SPTB: variants seen among roughly 807,000 people sequenced by gnomAD.
SPTB encodes the protein spectrin beta chain, erythrocytic.
In SPTB, 45 loss-of-function variants were observed where a neutral mutation model predicts 256.2. The observed-to-expected ratio is 0.18, with a 90% CI of 0.14 to 0.23. SPTB has a LOEUF of 0.23. Ranked by LOEUF, SPTB falls within the 10% of genes least tolerant of loss-of-function variation. SPTB has a pLI of 1.00. For missense variants in SPTB, 2,715 were observed against 3,040.4 expected (o/e 0.89, Z 2.52); for synonymous variants, 1,231 against 1,243.1 (o/e 0.99, Z 0.21).
chr14:64,787,110 G>A lies in SPTB; in HGVS notation c.2855C>T (p.Ser952Leu). 6.2e-7 allele frequency: 1 copy of A among 1,607,452 alleles called. No individual in the cohort carries two copies. The highest frequency in any genetic ancestry group is 8.5e-7 in the Non-Finnish European group (1 of 1,179,932). Residue 952 changes from serine (S) to leucine (L), a missense_variant, in exon 16 of 36, where the codon TCA (serine) becomes TTA (leucine). Physicochemically the swap from Ser to Leu is moderately radical, Grantham distance 145. This residue lies in a region of SPTB where 2,239 missense variants were observed against 2,384.4 expected (regional missense o/e 0.94). Transcript: ENST00000644917. ...LVSERREAVD[S>L]ALRVHNYCVD... ...GCAGTAGTTGTGCACTCGGAGGGCTGAGTCCACAGCCTCCCGCCGCTCCGA... is the reference window on the plus strand; with the variant it reads ...GCAGTAGTTGTGCACTCGGAGGGCTAAGTCCACAGCCTCCCGCCGCTCCGA...
At chr14:64,766,123 TGTG>T (rs1444965844) in intron 32 of SPTB, among the ~76,000 whole-genome samples, 1 of 140,814 alleles carries the variant, frequency 7.1e-6, no homozygotes, top group East Asian at 2.1e-4. Flanking sequence ...TGTATGGGGA[TGTG>T]GTGTGGGTGC....
At chr14:64,756,872 T>C (rs900140527) in intron 32 of SPTB, 3 of 151,954 alleles carry the variant, frequency 2.0e-5, no homozygotes, top group African/African-American at 7.3e-5. Flanking sequence ...GACCCTAGAG[T>C]GTCTGCAATG....
intron 3 of SPTB, among the ~76,000 whole-genome samples, chr14:64,804,513 C>G (rs566790402): frequency 1.7e-4 from 26 of 152,154 alleles, no homozygotes; most frequent in Non-Finnish European, 2.9e-4. Context: ...AACAGTATTG[C>G]CGGTGGGTTA....
chr14:64,813,020 A>G (rs2083120619), intron 2 of SPTB, among the ~76,000 whole-genome samples: 2 of 152,236 alleles, frequency 1.3e-5, no homozygotes, highest in Non-Finnish European at 2.9e-5. Context: ...TTTCAATGAC[A>G]GGAAAGGATA....
At chr14:64,843,062 C>G (rs2083632598) in intron 1 of SPTB, among the ~76,000 whole-genome samples, 1 of 151,246 alleles carries the variant, frequency 6.6e-6, no homozygotes, top group Non-Finnish European at 1.5e-5. Flanking sequence ...GAGACCCTGT[C>G]TCAAAAAAAA....
In SPTB at chr14:64,769,599, G is replaced by C. The variant is rs375654121; in HGVS notation, c.5928C>G (p.Ala1976=). 6.8e-5 allele frequency: 109 copies of C among 1,613,846 alleles called. No individual in the cohort carries two copies. The highest frequency in any genetic ancestry group is 8.8e-5 in the Non-Finnish European group (104 of 1,180,042). Residue 1976 remains alanine, a synonymous_variant, in exon 28 of 36, where the codon GCC becomes GCG. Coordinates refer to ENST00000644917, the MANE Select transcript of SPTB (RefSeq NM_001355436.2). ...GESLLQRQHQ[A]SEEIREKLQQ... The stretch of plus-strand genomic sequence containing the variant: ...CTTGCAGTCCCCTCACCTCCTCTGA[G>C]GCCTGGTGCTGCCGCTGCAGCAGGG...
chr14:64,801,216 G>T, intron 7 of SPTB, 69 bp downstream of exon 7: 1 of 1,378,674 alleles, frequency 7.3e-7, no homozygotes, highest in Non-Finnish European at 1.0e-6. Context: ...TGGCGGCTGA[G>T]CTCCTCTAGC....
In SPTB at chr14:64,799,875, C is replaced by A. The variant is rs754889649; in HGVS notation, c.936G>T (p.Ser312=). ...TCTGCTCGATCCAGGTGAGCAGGTCCGAGGCTAGCCCGCTGTACTTTTCAA... is the reference window on the plus strand; with the variant it reads ...TCTGCTCGATCCAGGTGAGCAGGTCAGAGGCTAGCCCGCTGTACTTTTCAA... ...KMIEKYSGLA[S]DLLTWIEQTI... The change falls in exon 9 of 36, where the codon TCG becomes TCT. Residue 312 remains serine (S), a synonymous_variant. Transcript: ENST00000644917. The A allele has an allele frequency of 6.2e-7, 1 of 1,614,200 alleles. No homozygotes were observed. Among genetic ancestry groups the A allele is most frequent in the South Asian group, 1.1e-5 (1 of 91,082 alleles).
intron 19 of SPTB, among the ~76,000 whole-genome samples, chr14:64,783,290 G>A (rs6573570): frequency 0.29 from 43,326 of 151,584 alleles, 6,816 homozygotes; most frequent in African/African-American, 0.42. Flanking sequence ...TGCAACCTCC[G>A]CCCCCCAGTT....
chr14:64,794,550 T>C lies in SPTB; in HGVS notation c.1712A>G (p.Lys571Arg). The change falls in exon 13 of 36, where the codon AAG (lysine) becomes AGG (arginine). Residue 571 changes from lysine (K) to arginine (R), a missense_variant. Lys to Arg is a conservative substitution (Grantham distance 26, BLOSUM62 2). Coordinates refer to ENST00000644917, the MANE Select transcript of SPTB (RefSeq NM_001355436.2). ...GATGGCGATGTCAGCTTCCATCAAC[T>C]TGTGCTTCTGTAGCAGGTCTTCAAC... is the stretch of plus-strand genomic sequence containing the variant. ...LEVEDLLQKH[K>R]LMEADIAIQG... 1.2e-6 allele frequency: 2 copies of C among 1,614,168 alleles called. No homozygotes were observed. The highest frequency in any genetic ancestry group is 2.2e-5 in the East Asian group (1 of 44,878).
In SPTB at chr14:64,759,884, A is replaced by G. The variant is rs543569391; in HGVS notation, c.6346-6091T>C. Reference sequence around the variant, plus strand: ...GAGTCTAGACCATAAATGGAGGTGAAGGAGAATTGCAGAGTGGGCTGAATA... The same window carrying G: ...GAGTCTAGACCATAAATGGAGGTGAGGGAGAATTGCAGAGTGGGCTGAATA... On this transcript the variant is annotated intron_variant, in intron 32 of 35. Transcript: ENST00000644917. This position sits in a 1 kb window ranked among gnomAD's most constrained non-coding sequence, Gnocchi z 4.8. Among the ~76,000 whole-genome samples the G allele has an allele frequency of 6.6e-6, 1 of 152,330 alleles. No individual in the cohort carries two copies. The highest frequency in any genetic ancestry group is 1.9e-4 in the East Asian group (1 of 5,192).
intron 1 of SPTB, among the ~76,000 whole-genome samples, chr14:64,857,045 T>G (rs2083885185): frequency 6.6e-6 from 1 of 152,212 alleles, no homozygotes; most frequent in African/African-American, 2.4e-5. Flanking sequence ...CAGAAACCAG[T>G]AAAGACTGGA....
intron 1 of SPTB, among the ~76,000 whole-genome samples, chr14:64,870,997 G>T (rs770768248): frequency 7.9e-5 from 12 of 152,232 alleles, no homozygotes; most frequent in Non-Finnish European, 1.3e-4. Context: ...GGGGAGGGAT[G>T]ATGGTGATGG....
At position 64,778,324 on chromosome 14, in the gene SPTB, G is replaced by A. The variant is rs2082397391; in HGVS notation, c.4563+833C>T. ...TCTGCCATGACCTTCCTTCCTCAAG[G>A]AGCTGCAATACTAACCGGGCACTCT... On this transcript the variant is annotated intron_variant, in intron 22 of 35. Transcript: ENST00000644917. The surrounding 1 kb of genome is among the most constrained non-coding windows in gnomAD (Gnocchi z 5.2). Among the ~76,000 whole-genome samples, 2 of 152,208 alleles carry A rather than the reference G, an allele frequency of 1.3e-5. No individual in the cohort carries two copies. The highest frequency in any genetic ancestry group is 2.9e-5 in the Non-Finnish European group (2 of 68,038).
Position 64,770,923 on chromosome 14 carries a change from C to G in SPTB, c.5760G>C (p.Glu1920Asp). 1 of 1,614,146 alleles carries G rather than the reference C, an allele frequency of 6.2e-7. No homozygotes were observed. The highest frequency in any genetic ancestry group is 8.5e-7 in the Non-Finnish European group (1 of 1,180,040). The change falls in exon 27 of 36, where the codon GAG becomes GAC. Residue 1920 changes from glutamate to aspartate, a missense_variant. By Grantham distance (45) the Glu-to-Asp change is conservative. Coordinates refer to ENST00000644917, the MANE Select transcript of SPTB (RefSeq NM_001355436.2). ...SMARDLLSWM[E>D]SIIRQIETQE... Reference sequence around the variant, plus strand: ...GGGTCTCGATCTGCCGGATGATGCTCTCCATCCAGGAGAGGAGGTCACGGG... The same window carrying G: ...GGGTCTCGATCTGCCGGATGATGCTGTCCATCCAGGAGAGGAGGTCACGGG...
At position 64,799,737 on chromosome 14, in the gene SPTB, G is replaced by A; in HGVS notation, c.1064+10C>T. On this transcript the variant is annotated intron_variant, in intron 9 of 35. Transcript: ENST00000644917. ...CTGAGGACCACCCTCCCATGTGCCA[G>A]GGCCCTTACTTGGGCGGCTTCTCCA... The A allele has an allele frequency of 6.2e-7, 1 of 1,614,030 alleles. No homozygotes were observed. The highest frequency in any genetic ancestry group is 8.5e-7 in the Non-Finnish European group (1 of 1,180,024).
At chr14:64,753,436 C>G in intron 33 of SPTB, 101 bp downstream of exon 33, 3 of 1,580,628 alleles carry the variant, frequency 1.9e-6, no homozygotes, top group African/African-American at 1.3e-5. Flanking sequence ...CAGAAGGCAC[C>G]CCTCCCCCAG....
rs112203084 is a variant in SPTB at position 64,869,760 on chromosome 14, C to T, written c.-52+10032G>A. Among the ~76,000 whole-genome samples the T allele has an allele frequency of 1.2e-3, 174 of 147,982 alleles. 1 individual carries two copies. The highest frequency in any genetic ancestry group is 4.2e-3 in the African/African-American group (170 of 40,256). ...ACCTTAGCCTCCTGAGTAGCTGGAA[C>T]TACAGGCACGTGCCACGATGCCCTG... On this transcript the variant is annotated intron_variant, in intron 1 of 35. Transcript: ENST00000644917.
intron 12 of SPTB, among the ~76,000 whole-genome samples, chr14:64,794,988 G>A (rs2082739645): frequency 6.6e-6 from 1 of 152,182 alleles, no homozygotes; most frequent in Non-Finnish European, 1.5e-5. Flanking sequence ...TGGGAGGTCT[G>A]GATTCTAACC....
Sources: gnomAD v4.1 joint callset for allele counts (sites outside exome capture counted in the v4.1 genomes callset) on GRCh38, gnomAD v4.1.1 for gene constraint, gnomAD v4.1.1 regional missense constraint, Gnocchi (gnomAD v3.1) non-coding constraint, MANE v1.5 for transcripts, NCBI Gene and HGNC (gene_info 2026-07-23, HGNC 2026-07-21) for gene names.